CDH13: variants seen among roughly 807,000 people sequenced by gnomAD.
CDH13 encodes the protein cadherin 13.
A neutral mutation model predicts 63.8 loss-of-function variants in CDH13; 24 were observed. That is an observed-to-expected ratio of 0.38 (90% CI 0.27 to 0.53). The LOEUF is 0.53. CDH13 is among the 20% of genes least tolerant of loss of function. The probability of loss-of-function intolerance (pLI) is 0.85; values close to 1 mark genes in which losing one functional copy is unlikely to be tolerated. For synonymous variants in CDH13, 503 were observed against 355.3 expected (o/e 1.42, Z -4.67); for missense variants, 1,049 against 903.1 (o/e 1.16, Z -2.07).
At chr16:83,540,198 G>A (rs1170410472) in intron 7 of CDH13, among the ~76,000 whole-genome samples, 1 of 151,776 alleles carries the variant, frequency 6.6e-6, no homozygotes, top group Admixed American at 6.6e-5. Context: ...CCGAGTAGCT[G>A]GTGTTGGAGG....
chr16:82,847,664 C>T (rs1334795417), intron 1 of CDH13, among the ~76,000 whole-genome samples: 1 of 152,134 alleles, frequency 6.6e-6, no homozygotes. Flanking sequence ...TTCACAGGTC[C>T]TGGGGAGTAG....
intron 10 of CDH13, among the ~76,000 whole-genome samples, chr16:83,697,762 C>A (rs1241331989): frequency 6.6e-6 from 1 of 152,226 alleles, no homozygotes; most frequent in African/African-American, 2.4e-5. Flanking sequence ...ATTCTCCTGC[C>A]TCAGCCTCCT....
intron 2 of CDH13, among the ~76,000 whole-genome samples, chr16:82,885,543 C>G (rs2040859741): frequency 6.6e-6 from 1 of 151,568 alleles, no homozygotes; most frequent in Non-Finnish European, 1.5e-5. Context: ...ATCCATCCAT[C>G]CAGCCATCCA....
intron 8 of CDH13, among the ~76,000 whole-genome samples, chr16:83,620,782 C>G (rs1909741203): frequency 6.6e-6 from 1 of 152,190 alleles, no homozygotes; most frequent in African/African-American, 2.4e-5. Flanking sequence ...GCCTCTGCAT[C>G]TGCTTTTCCC....
chr16:82,956,109 G>A (rs1002456738), intron 2 of CDH13, among the ~76,000 whole-genome samples: 1 of 151,626 alleles, frequency 6.6e-6, no homozygotes, highest in East Asian at 1.9e-4. Context: ...TTTTTTTCCA[G>A]TGTATGCTTT....
intron 4 of CDH13, among the ~76,000 whole-genome samples, chr16:83,126,708 G>A (rs1199290283): frequency 6.6e-6 from 1 of 152,188 alleles, no homozygotes; most frequent in Non-Finnish European, 1.5e-5. Flanking sequence ...ATCAGACATT[G>A]GTGAGCCTGG....
At chr16:83,229,508 C>T (rs192309521) in intron 5 of CDH13, among the ~76,000 whole-genome samples, 180 of 149,714 alleles carry the variant, frequency 1.2e-3, no homozygotes, top group Non-Finnish European at 2.0e-3. Flanking sequence ...TTTTTTTCTT[C>T]TACGGGGGTT....
rs190995743 is a variant in CDH13 at position 83,298,270 on chromosome 16, C to G, written c.637-46592C>G. On this transcript the variant is annotated intron_variant, in intron 5 of 13. Transcript: ENST00000567109. Reference sequence around the variant, plus strand: ...CAAGACGAGACAAAATGAGATGAGACGAGATGAGAAAAGAAAAAGAAAAGG... The same window carrying G: ...CAAGACGAGACAAAATGAGATGAGAGGAGATGAGAAAAGAAAAAGAAAAGG... Among the ~76,000 whole-genome samples the G allele has an allele frequency of 4.7e-5, 7 of 150,450 alleles. No homozygotes were observed. In the South Asian group the frequency reaches 1.5e-3, roughly 32 times the overall value.
intron 8 of CDH13, among the ~76,000 whole-genome samples, chr16:83,664,412 G>T (rs1045998563): frequency 1.3e-5 from 2 of 151,922 alleles, no homozygotes; most frequent in South Asian, 2.1e-4. Flanking sequence ...CTGAGACATC[G>T]GGCTTTCTTA....
chr16:83,450,308 G>A (rs1020516361), intron 6 of CDH13, among the ~76,000 whole-genome samples: 3 of 152,162 alleles, frequency 2.0e-5, no homozygotes, highest in Non-Finnish European at 2.9e-5. Context: ...AGTGCAGCTT[G>A]TTCTATGAAT....
chr16:83,703,054 C>T (rs1054551786), intron 10 of CDH13, among the ~76,000 whole-genome samples: 9 of 152,166 alleles, frequency 5.9e-5, no homozygotes, highest in Non-Finnish European at 7.3e-5. Context: ...GTTCCAATGG[C>T]AAGGCTAACA....
chr16:83,525,460 A>G lies in CDH13; in HGVS notation c.960+38805A>G, dbSNP rs373466581. 3.9e-5 allele frequency among the ~76,000 whole-genome samples: 6 copies of G among 152,196 alleles called. No homozygotes were observed. The East Asian group carries it at 9.6e-4, about 24-fold the overall frequency. On this transcript the variant is annotated intron_variant, in intron 7 of 13. Transcript: ENST00000567109. ...CTTGGACTCCTAAGCCTAATTTGTA[A>G]ATGCTATGTTATACTGACTTGGTTG...
At chr16:83,765,722 C>T (rs150658768) in intron 11 of CDH13, among the ~76,000 whole-genome samples, 1 of 151,144 alleles carries the variant, frequency 6.6e-6, no homozygotes, top group Admixed American at 6.6e-5. Context: ...AAAGAGAACA[C>T]AAAGTATAAA....
At chr16:83,602,082 C>CAAAAAA (rs576973198) in intron 7 of CDH13, among the ~76,000 whole-genome samples, 2 of 32,294 alleles carry the variant, frequency 6.2e-5, no homozygotes, top group African/African-American at 3.2e-4. Context: ...GACTCTGTCT[C>CAAAAAA]AAAAAAAAAA....
chr16:83,203,425 G>A (rs1016220773), intron 4 of CDH13, among the ~76,000 whole-genome samples: 8 of 151,884 alleles, frequency 5.3e-5, no homozygotes, highest in East Asian at 1.9e-4. Flanking sequence ...GGTGGCTCAC[G>A]CCTGTAATCC....
chr16:83,598,467 A>G (rs1023395341), intron 7 of CDH13, among the ~76,000 whole-genome samples: 1 of 152,240 alleles, frequency 6.6e-6, no homozygotes. Flanking sequence ...CGATGTATTC[A>G]TAAAATGATA....
At chr16:83,196,913 A>G (rs926394571) in intron 4 of CDH13, among the ~76,000 whole-genome samples, 1 of 152,196 alleles carries the variant, frequency 6.6e-6, no homozygotes, top group Non-Finnish European at 1.5e-5. Flanking sequence ...CGCACTTACC[A>G]TGGAACCCAG....
chr16:83,068,101 C>A (rs908742769), intron 3 of CDH13, among the ~76,000 whole-genome samples: 3 of 152,168 alleles, frequency 2.0e-5, no homozygotes, highest in Non-Finnish European at 1.5e-5. Flanking sequence ...AAGGGCCCCA[C>A]CTGAAATGGA....
chr16:83,397,134 C>T (rs1343939897), intron 6 of CDH13, among the ~76,000 whole-genome samples: 1 of 152,136 alleles, frequency 6.6e-6, no homozygotes, highest in Non-Finnish European at 1.5e-5. Context: ...CCTCCTCGGC[C>T]GTGGGCAACC....
Sources: allele counts gnomAD v4.1 joint callset (sites outside exome capture counted in the v4.1 genomes callset), GRCh38; gene constraint gnomAD v4.1.1; transcripts MANE v1.5; gene names NCBI Gene and HGNC (gene_info 2026-07-23, HGNC 2026-07-21).